PRKCZ: variants seen among roughly 807,000 people sequenced by gnomAD.
PRKCZ encodes protein kinase C zeta type.
A neutral mutation model predicts 79.5 loss-of-function variants in PRKCZ; 33 were observed. The ratio of observed to expected loss-of-function variants is 0.41; its 90% CI spans 0.31 to 0.55. The LOEUF (loss-of-function observed/expected upper bound fraction) is 0.55. Among genes scored for constraint, PRKCZ ranks in the 20% least tolerant of loss-of-function variants. The pLI, the probability that PRKCZ is intolerant of heterozygous loss-of-function variation, is 0.19. For missense variants in PRKCZ, 578 were observed against 813.5 expected (o/e 0.71, Z 3.52); for synonymous variants, 342 against 320.9 (o/e 1.07, Z -0.70).
intron 3 of PRKCZ, among the ~76,000 whole-genome samples, chr1:2,057,336 G>A (rs142736292): frequency 6.6e-6 from 1 of 152,330 alleles, no homozygotes; most frequent in Non-Finnish European, 1.5e-5. Flanking sequence ...GGCGTCTGGG[G>A]CCTGGGAATG....
At position 2,135,355 on chromosome 1, in the gene PRKCZ, G is replaced by A; in HGVS notation, c.420+8G>A. The A allele has an allele frequency of 6.2e-7, 1 of 1,604,746 alleles. No individual in the cohort carries two copies. On this transcript the variant is annotated splice_region_variant and intron_variant, in intron 5 of 17. Transcript: ENST00000378567. ...GCCAAGCGCTTTAACAGGGTGAGTGGCCCCCTTGGGACTAGTCCCTCAAGG... is the reference window on the plus strand; with the variant it reads ...GCCAAGCGCTTTAACAGGGTGAGTGACCCCCTTGGGACTAGTCCCTCAAGG...
In PRKCZ at chr1:2,055,558, C is replaced by A; in HGVS notation, c.189C>A (p.Ser63Arg). 1 of 1,612,906 alleles carries A rather than the reference C, an allele frequency of 6.2e-7. No individual in the cohort carries two copies. The highest frequency in any genetic ancestry group is 8.5e-7 in the Non-Finnish European group (1 of 1,179,444). ...CGCTCACCCTCAAGTGGGTGGACAG[C>A]GAAGGTAGCCCTTGTCCCATGTTGG... is the stretch of plus-strand genomic sequence containing the variant. The part of the protein sequence containing the change: ...QHPLTLKWVD[S>R]EGDPCTVSSQ... Residue 63 changes from serine to arginine, a missense_variant, in exon 2 of 18, where the codon AGC (serine) becomes AGA (arginine). Physicochemically the swap from Ser to Arg is moderately radical, Grantham distance 110 (BLOSUM62 -1). Around this residue, in one of 4 missense-constraint regions of PRKCZ, gnomAD observed 228 missense variants for 211.6 expected, o/e 1.08. Coordinates refer to ENST00000378567, the MANE Select transcript of PRKCZ (RefSeq NM_002744.6).
chr1:2,099,280 C>T (rs923607740), intron 4 of PRKCZ, among the ~76,000 whole-genome samples: 3 of 152,216 alleles, frequency 2.0e-5, no homozygotes, highest in African/African-American at 4.8e-5. Flanking sequence ...CTAGGATCCT[C>T]CTCAGTGTGA....
intron 3 of PRKCZ, among the ~76,000 whole-genome samples, chr1:2,058,763 G>A (rs1660415338): frequency 1.3e-5 from 2 of 151,908 alleles, no homozygotes. Context: ...GGGCGTGGTG[G>A]TGTACACTTG....
intron 4 of PRKCZ, among the ~76,000 whole-genome samples, chr1:2,121,665 G>T (rs71511329): frequency 1.9e-5 from 2 of 104,992 alleles, no homozygotes; most frequent in African/African-American, 3.5e-5. Context: ...GGTGGTTAGG[G>T]TCGTGGTGGT....
intron 9 of PRKCZ, among the ~76,000 whole-genome samples, chr1:2,154,352 C>T (rs529139114): frequency 6.6e-6 from 1 of 152,238 alleles, no homozygotes; most frequent in Admixed American, 6.5e-5. Flanking sequence ...AGACTCGAAG[C>T]CACTCCATTG....
intron 10 of PRKCZ, among the ~76,000 whole-genome samples, chr1:2,157,782 G>A (rs1681378014): frequency 6.7e-6 from 1 of 149,026 alleles, no homozygotes; most frequent in African/African-American, 2.5e-5. Flanking sequence ...TCAAACTCCT[G>A]GGCTCCTGCC....
intron 4 of PRKCZ, chr1:2,074,207 A>G (rs1298254449): frequency 6.5e-7 from 1 of 1,550,372 alleles, no homozygotes; most frequent in Middle Eastern, 1.7e-4. Context: ...TAGAAAAATA[A>G]GGCTGTGGAG....
Position 2,094,964 on chromosome 1 carries a change from T to C in PRKCZ, c.334+35373T>C, listed in dbSNP as rs3128326. On this transcript the variant is annotated intron_variant, in intron 4 of 17. Coordinates refer to ENST00000378567, the MANE Select transcript of PRKCZ (RefSeq NM_002744.6). This position sits in a 1 kb window ranked among gnomAD's most constrained non-coding sequence, Gnocchi z 7.3. Reference sequence around the variant, plus strand: ...AGTTCTCTCCCTGCCCCCGCCGGCATGACACGGACACTGGTGCCCGAGTGA... The same window carrying C: ...AGTTCTCTCCCTGCCCCCGCCGGCACGACACGGACACTGGTGCCCGAGTGA... 0.61 allele frequency among the ~76,000 whole-genome samples: 92,770 copies of C among 152,050 alleles called. 30,570 individuals carry two copies. Among genetic ancestry groups the C allele is most frequent in the East Asian group, 0.95 (4,914 of 5,174 alleles).
At position 2,143,901 on chromosome 1, in the gene PRKCZ, G is replaced by A. The variant is rs145659004; in HGVS notation, c.421-309G>A. 572 of 284,954 alleles carry A rather than the reference G, an allele frequency of 2.0e-3. 4 individuals are homozygous for A. Among genetic ancestry groups the A allele is most frequent in the African/African-American group, 0.012 (533 of 46,056 alleles). The allele number at this position is 284,954 out of a possible 1,614,324, so 17.7% of individuals were successfully genotyped here. On this transcript the variant is annotated intron_variant, in intron 5 of 17. Coordinates refer to ENST00000378567, the MANE Select transcript of PRKCZ (RefSeq NM_002744.6). ...AGCTGCAGCCCCCCAGCCCCTGCAA[G>A]CCACGGGGCCTTGCCTGAAGCAGCA...
chr1:2,159,417 C>G (rs1467831794), intron 10 of PRKCZ, among the ~76,000 whole-genome samples: 1 of 152,220 alleles, frequency 6.6e-6, no homozygotes, highest in Non-Finnish European at 1.5e-5. Flanking sequence ...TTGCGTGGGC[C>G]CCTTGCTGAG....
At position 2,057,586 on chromosome 1, in the gene PRKCZ, C is replaced by G. The variant is rs185583455; in HGVS notation, c.283+1013C>G. Among the ~76,000 whole-genome samples, 1,459 of 152,288 alleles carry G rather than the reference C, an allele frequency of 9.6e-3. 17 individuals carry two copies. Among genetic ancestry groups the G allele is most frequent in the Middle Eastern group, 0.027 (8 of 294 alleles). ...TGAGGCTCTAAATTTAAAGACTAGG[C>G]CGGGTGCGGTGGCTCACAACTGTAA... is the stretch of plus-strand genomic sequence containing the variant. On this transcript the variant is annotated intron_variant, in intron 3 of 17. Coordinates refer to ENST00000378567, the MANE Select transcript of PRKCZ (RefSeq NM_002744.6).
At chr1:2,115,136 T>C (rs1480504595) in intron 4 of PRKCZ, among the ~76,000 whole-genome samples, 1 of 152,254 alleles carries the variant, frequency 6.6e-6, no homozygotes, top group Admixed American at 6.5e-5. Flanking sequence ...TGTCTTGGGA[T>C]CCGGGGCCAT....
chr1:2,056,340 C>CATTAAAAA, intron 2 of PRKCZ, 144 bp from the exon 3 acceptor site: 1 of 721,236 alleles, frequency 1.4e-6, no homozygotes, highest in Middle Eastern at 4.0e-4. Flanking sequence ...CCTTGGACCT[C>CATTAAAAA]CCGACCCTGC....
intron 4 of PRKCZ, among the ~76,000 whole-genome samples, chr1:2,092,636 G>T (rs1032441676): frequency 7.9e-5 from 12 of 152,256 alleles, no homozygotes; most frequent in African/African-American, 2.9e-4. Context: ...GTTGTACGTG[G>T]AAGTGAACAG....
At chr1:2,109,724 C>T (rs1462876387) in intron 4 of PRKCZ, among the ~76,000 whole-genome samples, 2 of 152,194 alleles carry the variant, frequency 1.3e-5, no homozygotes, top group African/African-American at 2.4e-5. Flanking sequence ...GTCGGGCTCT[C>T]ATTCTCCCCA....
At chr1:2,079,528 C>T (rs754740326) in intron 4 of PRKCZ, among the ~76,000 whole-genome samples, 10 of 152,210 alleles carry the variant, frequency 6.6e-5, no homozygotes, top group South Asian at 2.1e-4. Context: ...CACGTGACCT[C>T]GGCCACAACG....
intron 4 of PRKCZ, among the ~76,000 whole-genome samples, chr1:2,097,095 A>G (rs1018044642): frequency 6.6e-6 from 1 of 152,230 alleles, no homozygotes; most frequent in African/African-American, 2.4e-5. Flanking sequence ...CATCGCCTGC[A>G]CAGGAAGAGA....
intron 6 of PRKCZ, 49 bp downstream of exon 6, chr1:2,144,390 C>T (rs1169448130): frequency 5.8e-6 from 9 of 1,540,624 alleles, no homozygotes; most frequent in Middle Eastern, 1.9e-4. Flanking sequence ...GGGGTCGGGG[C>T]GTGGCAGCCA....
Sources: gnomAD v4.1 joint callset for allele counts (sites outside exome capture counted in the v4.1 genomes callset) on GRCh38, gnomAD v4.1.1 for gene constraint, gnomAD v4.1.1 regional missense constraint, Gnocchi (gnomAD v3.1) non-coding constraint, MANE v1.5 for transcripts, NCBI Gene and HGNC (gene_info 2026-07-23, HGNC 2026-07-21) for gene names.